The following USH2A variants were observed in gnomAD, a reference collection of about 807,000 sequenced individuals.
USH2A encodes the protein Usher syndrome 2A (autosomal recessive, mild).
A neutral mutation model predicts 538.9 loss-of-function variants in USH2A; 443 were observed. The ratio of observed to expected loss-of-function variants is 0.82; its 90% CI spans 0.76 to 0.89. The LOEUF (loss-of-function observed/expected upper bound fraction) is 0.89, where lower values mean the gene tolerates loss of function less well. Among genes scored for constraint, USH2A ranks in the 40% least tolerant of loss-of-function variants. The pLI is 0.00. For synonymous variants in USH2A, 2,413 were observed against 2,273.5 expected (o/e 1.06, Z -1.75); for missense variants, 6,633 against 6,324.8 (o/e 1.05, Z -1.65).
chr1:215,703,637 C>T (rs191868160), intron 61 of USH2A, among the ~76,000 whole-genome samples: 2 of 152,236 alleles, frequency 1.3e-5, no homozygotes, highest in East Asian at 1.9e-4. Context: ...CTACTCAAGC[C>T]TCCATAATGG....
At position 216,174,098 on chromosome 1, in the gene USH2A, A is replaced by G; in HGVS notation, c.4627+1154T>C. 3 of 985,342 alleles carry G rather than the reference A, an allele frequency of 3.0e-6. No homozygotes were observed. In the South Asian group the frequency reaches 1.4e-4, roughly 46 times the overall value. 61.0% of individuals were successfully genotyped at this position (985,342 alleles called of 1,614,324 possible). On this transcript the variant is annotated intron_variant, in intron 21 of 71. Transcript: ENST00000307340. The stretch of plus-strand genomic sequence containing the variant: ...CTCAGTTAGAATATAATCATGATTC[A>G]TTACCAAGGTGCATCAGCAGCCAGT...
At chr1:216,383,596 C>A (rs1446669170) in intron 3 of USH2A, among the ~76,000 whole-genome samples, 1 of 152,136 alleles carries the variant, frequency 6.6e-6, no homozygotes, top group South Asian at 2.1e-4. Flanking sequence ...TGTGATAACT[C>A]CCTTAATTTT....
At chr1:216,019,443 G>C (rs952433216) in intron 32 of USH2A, among the ~76,000 whole-genome samples, 1 of 152,130 alleles carries the variant, frequency 6.6e-6, no homozygotes, top group African/African-American at 2.4e-5. Context: ...TGATAAAAAT[G>C]GGGGGAGAAG....
rs1410249344 is a variant in USH2A, at chr1:215,877,900, G to A, written c.8559-20C>T. The A allele has an allele frequency of 2.5e-6, 4 of 1,613,324 alleles. No homozygotes were observed. Among genetic ancestry groups the A allele is most frequent in the Non-Finnish European group, 3.4e-6 (4 of 1,179,458 alleles). On this transcript the variant is annotated intron_variant, in intron 42 of 71. Coordinates refer to ENST00000307340, the MANE Select transcript of USH2A (RefSeq NM_206933.4). ...TCATATCTAAAGCAAAAGACAAGCA[G>A]GAACATCAGGATTATCTCAACTCAT...
At chr1:215,878,684 A>G (rs937697442) in intron 42 of USH2A, 80 bp downstream of exon 42, 2 of 1,443,046 alleles carry the variant, frequency 1.4e-6, no homozygotes, top group South Asian at 2.4e-5. Context: ...TCATATAGGA[A>G]TAAAAGCCTC....
At chr1:215,735,772 G>A (rs1379129044) in intron 60 of USH2A, among the ~76,000 whole-genome samples, 1 of 152,096 alleles carries the variant, frequency 6.6e-6, no homozygotes, top group Admixed American at 6.5e-5. Flanking sequence ...TGTTATGCAA[G>A]CTGCTACTTT....
intron 44 of USH2A, among the ~76,000 whole-genome samples, chr1:215,865,191 A>G (rs1020537294): frequency 6.6e-6 from 1 of 152,168 alleles, no homozygotes; most frequent in Non-Finnish European, 1.5e-5. Flanking sequence ...CAAAAGAAGA[A>G]AATGATAATG....
chr1:216,362,949 T>A (rs2791287), intron 4 of USH2A, among the ~76,000 whole-genome samples: 92,716 of 144,286 alleles, frequency 0.64, 29,685 homozygotes, highest in East Asian at 0.82. Context: ...CAAAAAAAAA[T>A]AATAATAAAA....
At chr1:216,312,975 G>A (rs1292398207) in intron 9 of USH2A, among the ~76,000 whole-genome samples, 4 of 152,146 alleles carry the variant, frequency 2.6e-5, no homozygotes, top group Admixed American at 6.5e-5. Flanking sequence ...GAGGGAAAGC[G>A]TTCTATGGCA....
chr1:215,931,571 T>C (rs1666362941), intron 38 of USH2A, among the ~76,000 whole-genome samples: 1 of 152,012 alleles, frequency 6.6e-6, no homozygotes, highest in African/African-American at 2.4e-5. Context: ...TGGACAGTGG[T>C]GTACAGAGAA....
At chr1:215,841,710 T>TA (rs1430188974) in intron 46 of USH2A, among the ~76,000 whole-genome samples, 4 of 152,146 alleles carry the variant, frequency 2.6e-5, no homozygotes, top group Non-Finnish European at 4.4e-5. Flanking sequence ...CTAATTAAAC[T>TA]AAAGAGCTTC....
In USH2A at chr1:215,624,689, A is replaced by G. The variant is rs1422263594; in HGVS notation, c.*1092T>C. On this transcript the variant is annotated 3_prime_UTR_variant, in exon 72 of 72. Transcript: ENST00000307340. ...TTTGAACCGTAATTGGTACTGTTGCATATCATCTGTTCTTACTGATTCTGT... is the reference window on the plus strand; with the variant it reads ...TTTGAACCGTAATTGGTACTGTTGCGTATCATCTGTTCTTACTGATTCTGT... The G allele has an allele frequency of 1.3e-5, 2 of 152,150 alleles. No homozygotes were observed. The highest frequency in any genetic ancestry group is 6.6e-5 in the Admixed American group (1 of 15,264). 9.4% of individuals were successfully genotyped at this position (152,150 alleles called of 1,614,324 possible).
chr1:216,238,682 C>T lies in USH2A; in HGVS notation c.2810-6546G>A, dbSNP rs376405667. On this transcript the variant is annotated intron_variant, in intron 13 of 71. Coordinates refer to ENST00000307340, the MANE Select transcript of USH2A (RefSeq NM_206933.4). ...GAATTAAACCTATTCCTTGTACATT[C>T]GTAGTAAGGTTAGGTTAATAATACA... is the stretch of plus-strand genomic sequence containing the variant. Among the ~76,000 whole-genome samples, 5 of 152,094 alleles carry T rather than the reference C, an allele frequency of 3.3e-5. No homozygotes were observed. The East Asian group carries it at 5.8e-4, about 18-fold the overall frequency.
intron 27 of USH2A, among the ~76,000 whole-genome samples, chr1:216,074,436 T>C (rs1471425603): frequency 6.6e-6 from 1 of 152,066 alleles, no homozygotes; most frequent in African/African-American, 2.4e-5. Flanking sequence ...GAAATGGAAA[T>C]AAAATATAAT....
intron 4 of USH2A, among the ~76,000 whole-genome samples, chr1:216,360,076 G>A (rs1301300914): frequency 6.6e-6 from 1 of 152,052 alleles, no homozygotes; most frequent in Non-Finnish European, 1.5e-5. Flanking sequence ...TTTATAAGTT[G>A]AAAACTTATG....
chr1:216,071,409 G>A (rs1051610612), intron 29 of USH2A, among the ~76,000 whole-genome samples: 4 of 152,156 alleles, frequency 2.6e-5, no homozygotes, highest in Non-Finnish European at 5.9e-5. Flanking sequence ...GAGTGACGCT[G>A]ATTTTATTAG....
At position 215,798,950 on chromosome 1, in the gene USH2A, C is replaced by G. The variant is rs145278250; in HGVS notation, c.9915G>C (p.Glu3305Asp). ...CGRQIVSNDL[E>D]CCGGEEGVVY... is the part of the protein sequence containing the mutation. ...CCACTCCTTCTTCTCCACCACAACA[C>G]TCTAAATCGTTGCTCACAATCTGTC... Residue 3305 changes from glutamate (E) to aspartate (D), a missense_variant, in exon 50 of 72, where the codon GAG becomes GAC. Glu to Asp is a conservative substitution (Grantham distance 45). Transcript: ENST00000307340. 3.5e-4 allele frequency: 566 copies of G among 1,614,076 alleles called. 2 individuals are homozygous for G. In the East Asian group the frequency reaches 0.011, roughly 32 times the overall value.
chr1:215,726,853 G>A (rs1172767960), intron 61 of USH2A, among the ~76,000 whole-genome samples: 2 of 152,172 alleles, frequency 1.3e-5, no homozygotes, highest in Non-Finnish European at 2.9e-5. Context: ...AAAGCTAGTA[G>A]ATAGTGGAGT....
Position 215,836,517 on chromosome 1 carries a change from TAATATATA to T in USH2A, c.9371+1466_9371+1473del, listed in dbSNP as rs1558120086. Among the ~76,000 whole-genome samples the T allele has an allele frequency of 8.6e-3, 264 of 30,734 alleles. 23 individuals carry two copies. The highest frequency in any genetic ancestry group is 0.026 in the African/African-American group (251 of 9,558). The allele number at this position is 30,734 out of a possible 152,430, so 20.2% of individuals were successfully genotyped here. On this transcript the variant is annotated intron_variant, in intron 47 of 71. Coordinates refer to ENST00000307340, the MANE Select transcript of USH2A (RefSeq NM_206933.4). Reference sequence around the variant, plus strand: ...ATATATAATATATATTATATATATATAATATATATTATATATATATATATAATATATAT... The same window carrying T: ...ATATATAATATATATTATATATATATTTATATATATATATATAATATATAT...
Sources: gnomAD v4.1 joint callset for allele counts (sites outside exome capture counted in the v4.1 genomes callset) on GRCh38, gnomAD v4.1.1 for gene constraint, MANE v1.5 for transcripts, NCBI Gene and HGNC (gene_info 2026-07-23, HGNC 2026-07-21) for gene names.